C1orf167: variants seen among roughly 807,000 people sequenced by gnomAD.
C1orf167 encodes the protein chromosome 1 open reading frame 167.
Under a neutral mutation model 176.5 loss-of-function variants are expected in C1orf167, and 153 were observed. The ratio of observed to expected loss-of-function variants is 0.87; its 90% CI spans 0.76 to 0.99. The LOEUF (loss-of-function observed/expected upper bound fraction) is 0.99, where lower values mean the gene tolerates loss of function less well. Among genes scored for constraint, C1orf167 ranks in the 50% least tolerant of loss-of-function variants. C1orf167 has a pLI of 0.00. For missense variants in C1orf167, 1,490 were observed against 1,817.7 expected, an observed-to-expected ratio of 0.82 and a Z score of 3.28; for synonymous variants, 594 against 752.7, an observed-to-expected ratio of 0.79 and a Z score of 3.45.
rs1212858225 is a variant in C1orf167 at position 11,788,654 on chromosome 1, C to T, written c.4081C>T (p.Gln1361Ter). The T allele has an allele frequency of 6.1e-6, 8 of 1,304,158 alleles. No individual in the cohort carries two copies. The Admixed American group carries it at 1.8e-4, about 30-fold the overall frequency. The allele number at this position is 1,304,158 out of a possible 1,614,324, so 80.8% of individuals were successfully genotyped here. The part of the protein sequence containing the change: ...RGRAAGADPA[Q>*]GVAPEMGLAD... The stretch of plus-strand genomic sequence containing the variant: ...TTCTCTGCCAACTGTCCCCAAAGCT[C>T]AGGGAGTGGCACCTGAGATGGGCCT... The change falls in exon 20 of 21, where the codon CAG (glutamine) becomes TAG (stop). Residue 1361 changes from glutamine to a stop codon, truncating the protein, a stop_gained and splice_region_variant. Transcript: ENST00000688073. LOFTEE classifies it high-confidence loss of function.
At chr1:11,788,828 C>A in intron 20 of C1orf167, 82 bp downstream of exon 20, 1 of 1,202,268 alleles carries the variant, frequency 8.3e-7, no homozygotes, top group Non-Finnish European at 1.1e-6. Flanking sequence ...AGCCACGCAC[C>A]GTGGAGCTTT....
Position 11,787,466 on chromosome 1 carries a change from A to T in C1orf167, c.3646A>T (p.Lys1216Ter). 3 of 1,303,372 alleles carry T rather than the reference A, an allele frequency of 2.3e-6. No homozygotes were observed. Among genetic ancestry groups the T allele is most frequent in the Non-Finnish European group, 3.0e-6 (3 of 988,722 alleles). The allele number at this position is 1,303,372 out of a possible 1,614,324, so 80.7% of individuals were successfully genotyped here. Residue 1216 changes from lysine (K) to a stop codon, truncating the protein, a stop_gained, in exon 17 of 21, where the codon AAG becomes TAG. Transcript: ENST00000688073. LOFTEE classifies it high-confidence loss of function. ...GCAGTGCAGCCTGGGTGGACGGAGG[A>T]AGCCAAGGGGAACGGCCTGGGCTCA... ...SLQCSLGGRRKPRGTAWAQRC... is the reference protein window; with the variant it reads ...SLQCSLGGRR
At position 11,767,306 on chromosome 1, in the gene C1orf167, G is replaced by A. The variant is rs539161558; in HGVS notation, c.1343+42G>A. On this transcript the variant is annotated intron_variant, in intron 4 of 20. Coordinates refer to ENST00000688073, the MANE Select transcript of C1orf167 (RefSeq NM_001010881.2). Reference sequence around the variant, plus strand: ...GTGGGGACAGGGGTTGGAGTTGGGGGACACGTGCTCAGGACTCCGCTCCCA... The same window carrying A: ...GTGGGGACAGGGGTTGGAGTTGGGGAACACGTGCTCAGGACTCCGCTCCCA... 8.7e-6 allele frequency: 11 copies of A among 1,270,262 alleles called. No individual in the cohort carries two copies. The Admixed American group carries it at 1.4e-4, about 16-fold the overall frequency. The allele number at this position is 1,270,262 out of a possible 1,614,324, so 78.7% of individuals were successfully genotyped here. A position where few individuals can be genotyped will look rare whatever the true frequency, so the allele number is the denominator to read the frequency against.
chr1:11,763,832 C>T (rs1007208016), intron 1 of C1orf167, among the ~76,000 whole-genome samples: 3 of 152,082 alleles, frequency 2.0e-5, no homozygotes, highest in Admixed American at 6.6e-5. Flanking sequence ...ATCCTGGATG[C>T]GTGTGGGAGG....
At chr1:11,779,235 A>T (rs1643479138) in intron 12 of C1orf167, 155 bp downstream of exon 12, 3 of 707,342 alleles carry the variant, frequency 4.2e-6, no homozygotes, top group Non-Finnish European at 5.8e-6. Context: ...TCCTACTGAG[A>T]GGGTGTCGGG....
chr1:11,788,556 C>A, intron 19 of C1orf167, 96 bp from the exon 20 acceptor site: 1 of 1,168,144 alleles, frequency 8.6e-7, no homozygotes, highest in Non-Finnish European at 1.2e-6. Flanking sequence ...AGCCCTTTCA[C>A]TCTGGTGCAG....
At chr1:11,772,302 G>A in intron 8 of C1orf167, 43 bp downstream of exon 8, 2 of 1,274,308 alleles carry the variant, frequency 1.6e-6, no homozygotes, top group Non-Finnish European at 2.1e-6. Flanking sequence ...GTCTCACTCT[G>A]TCACCTAGGC....
At chr1:11,774,351 A>C (rs1461918477) in intron 8 of C1orf167, among the ~76,000 whole-genome samples, 1 of 152,172 alleles carries the variant, frequency 6.6e-6, no homozygotes, top group Middle Eastern at 3.2e-3. Flanking sequence ...CCGGCCTGTT[A>C]AAATCTTTGT....
chr1:11,784,942 T>C (rs1020082999), intron 15 of C1orf167, among the ~76,000 whole-genome samples: 1 of 152,186 alleles, frequency 6.6e-6, no homozygotes, highest in African/African-American at 2.4e-5. Flanking sequence ...ACAGGATGCT[T>C]GTCCCCGTCT....
intron 20 of C1orf167, 161 bp downstream of exon 20, chr1:11,788,907 G>A (rs1489772400): frequency 1.4e-5 from 7 of 482,928 alleles, no homozygotes; most frequent in Non-Finnish European, 2.4e-5. Flanking sequence ...AGAACACACA[G>A]GCTGGATGCT....
In C1orf167 at chr1:11,764,319, C is replaced by G. The variant is rs546646757; in HGVS notation, c.-70-12C>G. 2 of 1,126,996 alleles carry G rather than the reference C, an allele frequency of 1.8e-6. No individual in the cohort carries two copies. The highest frequency in any genetic ancestry group is 1.2e-4 in the East Asian group (2 of 17,164). The allele number at this position is 1,126,996 out of a possible 1,614,324, so 69.8% of individuals were successfully genotyped here. Reference sequence around the variant, plus strand: ...TGAATGAGAGCCAGGGCAACCTGTCCTCTCCCCGCAGGGCCCATCTGATTA... The same window carrying G: ...TGAATGAGAGCCAGGGCAACCTGTCGTCTCCCCGCAGGGCCCATCTGATTA... On this transcript the variant is annotated splice_polypyrimidine_tract_variant and intron_variant, in intron 1 of 20. Coordinates refer to ENST00000688073, the MANE Select transcript of C1orf167 (RefSeq NM_001010881.2).
intron 14 of C1orf167, among the ~76,000 whole-genome samples, chr1:11,783,447 A>T (rs1180531692): frequency 6.6e-6 from 1 of 151,876 alleles, no homozygotes; most frequent in Non-Finnish European, 1.5e-5. Context: ...GGGTTTCTCC[A>T]TGTTGGTCAG....
chr1:11,766,710 C>CTTGG lies in C1orf167; in HGVS notation c.925_928dup (p.Glu310ValfsTer6). 1 of 1,289,752 alleles carries CTTGG rather than the reference C, an allele frequency of 7.8e-7. No individual in the cohort carries two copies. The highest frequency in any genetic ancestry group is 1.0e-6 in the Non-Finnish European group (1 of 988,860). The allele number at this position is 1,289,752 out of a possible 1,614,324, so 79.9% of individuals were successfully genotyped here. On this transcript the variant is annotated frameshift_variant, in exon 3 of 21. Coordinates refer to ENST00000688073, the MANE Select transcript of C1orf167 (RefSeq NM_001010881.2). LOFTEE classifies it high-confidence loss of function. This position sits in a 1 kb window ranked among gnomAD's most constrained non-coding sequence, Gnocchi z 4.5. ...GAGGCCACAGGGAAACTGCGGCTTT[C>CTTGG]TTGGAGACCCCGGCTAGTCTCTCAG... is the stretch of plus-strand genomic sequence containing the variant.
rs1456843602 is a variant in C1orf167, at chr1:11,766,521, T to TTGCCTGGCGCAGGAGGC, written c.736_752dup (p.Arg253TrpfsTer78). Reference sequence around the variant, plus strand: ...TCCACCAGCTGCTGGCTTCTGTACATTGCCTGGCGCAGGAGGCAGCCCGAC... The same window carrying TTGCCTGGCGCAGGAGGC: ...TCCACCAGCTGCTGGCTTCTGTACATTGCCTGGCGCAGGAGGCTGCCTGGCGCAGGAGGCAGCCCGAC... On this transcript the variant is annotated frameshift_variant, in exon 3 of 21. Transcript: ENST00000688073. LOFTEE classifies it high-confidence loss of function. This position sits in a 1 kb window ranked among gnomAD's most constrained non-coding sequence, Gnocchi z 4.5. The TTGCCTGGCGCAGGAGGC allele has an allele frequency of 7.9e-7, 1 of 1,266,412 alleles. No homozygotes were observed. Among genetic ancestry groups the TTGCCTGGCGCAGGAGGC allele is most frequent in the South Asian group, 1.3e-5 (1 of 77,176 alleles). 78.4% of individuals were successfully genotyped at this position (1,266,412 alleles called of 1,614,324 possible). A position where few individuals can be genotyped will look rare whatever the true frequency, so the allele number is the denominator to read the frequency against.
At position 11,768,232 on chromosome 1, in the gene C1orf167, G is replaced by A; in HGVS notation, c.1499G>A (p.Trp500Ter). Residue 500 changes from tryptophan (W) to a stop codon, truncating the protein, a stop_gained, in exon 5 of 21, where the codon TGG becomes TAG. Transcript: ENST00000688073. LOFTEE classifies it high-confidence loss of function. The surrounding 1 kb of genome is among the most constrained non-coding windows in gnomAD (Gnocchi z 4.5). ...WLREAQLEAA[W>*]GQYTKVLLVR... ...CGGGAGGCTCAGCTGGAGGCAGCATGGGGGCAGTACACAAAGGTTCTGCTG... is the reference window on the plus strand; with the variant it reads ...CGGGAGGCTCAGCTGGAGGCAGCATAGGGGCAGTACACAAAGGTTCTGCTG... The A allele has an allele frequency of 2.3e-6, 3 of 1,289,638 alleles. No individual in the cohort carries two copies. Among genetic ancestry groups the A allele is most frequent in the Non-Finnish European group, 3.0e-6 (3 of 988,604 alleles). 79.9% of individuals were successfully genotyped at this position (1,289,638 alleles called of 1,614,324 possible).
intron 7 of C1orf167, 131 bp downstream of exon 7, chr1:11,771,767 A>G: frequency 9.0e-6 from 5 of 557,022 alleles, no homozygotes; most frequent in South Asian, 8.9e-5. Context: ...GCACATTCCC[A>G]GAGACAATCT....
chr1:11,785,334 GGC>G, intron 16 of C1orf167, 45 bp downstream of exon 16: 1 of 1,240,132 alleles, frequency 8.1e-7, no homozygotes, highest in South Asian at 1.3e-5. Context: ...GGCCCCGGAT[GGC>G]CAGCAGGGGG....
At chr1:11,764,498 C>T (rs566413062) in intron 2 of C1orf167, 28 bp downstream of exon 2, 34 of 1,286,832 alleles carry the variant, frequency 2.6e-5, no homozygotes, top group East Asian at 1.7e-4. Context: ...CCTGGATGGG[C>T]AGTTACAGGA....
At chr1:11,765,321 G>A (rs1030556119) in intron 2 of C1orf167, among the ~76,000 whole-genome samples, 5 of 152,000 alleles carry the variant, frequency 3.3e-5, no homozygotes, top group Non-Finnish European at 5.9e-5. Context: ...TGTGCCTGTG[G>A]AGTGGGCTTG....
Sources: gnomAD v4.1 joint callset for allele counts (sites outside exome capture counted in the v4.1 genomes callset) on GRCh38, gnomAD v4.1.1 for gene constraint, Gnocchi (gnomAD v3.1) non-coding constraint, MANE v1.5 for transcripts, NCBI Gene and HGNC (gene_info 2026-07-23, HGNC 2026-07-21) for gene names.